SNTG1: variants seen among roughly 807,000 people sequenced by gnomAD.
The protein encoded by SNTG1 is gamma-1-syntrophin.
SNTG1 carries 39 observed loss-of-function variants against 74.7 expected under a neutral mutation model. The ratio of observed to expected loss-of-function variants is 0.52; its 90% CI spans 0.40 to 0.68. The LOEUF (loss-of-function observed/expected upper bound fraction) is 0.68, where lower values mean the gene tolerates loss of function less well. SNTG1 is among the 30% of genes least tolerant of loss of function. The pLI, the probability that SNTG1 is intolerant of heterozygous loss-of-function variation, is 0.00. For missense variants in SNTG1, 685 were observed against 609.5 expected, an observed-to-expected ratio of 1.12 and a Z score of -1.30; for synonymous variants, 254 against 217.1, an observed-to-expected ratio of 1.17 and a Z score of -1.49.
intron 2 of SNTG1, among the ~76,000 whole-genome samples, chr8:50,290,932 A>T (rs1303727825): frequency 6.6e-6 from 1 of 151,888 alleles, no homozygotes; most frequent in Non-Finnish European, 1.5e-5. Context: ...TAATTTTGGT[A>T]TTCTTTATAA....
At chr8:50,572,206 T>C in intron 12 of SNTG1, among the ~76,000 whole-genome samples, 1 of 151,918 alleles carries the variant, frequency 6.6e-6, no homozygotes, top group East Asian at 1.9e-4. Flanking sequence ...GTTATAATAC[T>C]CGTCTCAGAG....
At chr8:50,694,932 C>T (rs1175562718) in intron 15 of SNTG1, among the ~76,000 whole-genome samples, 2 of 149,552 alleles carry the variant, frequency 1.3e-5, no homozygotes, top group Non-Finnish European at 3.0e-5. Context: ...AAGAAATGTA[C>T]TTCAACACAA....
At chr8:50,166,800 C>T (rs1586560214) in intron 1 of SNTG1, among the ~76,000 whole-genome samples, 2 of 148,432 alleles carry the variant, frequency 1.3e-5, no homozygotes, top group East Asian at 4.0e-4. Context: ...ATAAATCATG[C>T]TGCTATAAAG....
At chr8:50,197,164 T>C (rs1057198764) in intron 2 of SNTG1, among the ~76,000 whole-genome samples, 1 of 152,204 alleles carries the variant, frequency 6.6e-6, no homozygotes, top group African/African-American at 2.4e-5. Flanking sequence ...TTTTTCTTTG[T>C]GGTCTTCACT....
chr8:50,549,116 G>A (rs1397411537), intron 11 of SNTG1, among the ~76,000 whole-genome samples: 2 of 152,130 alleles, frequency 1.3e-5, no homozygotes, highest in African/African-American at 4.8e-5. Context: ...TTCAATTCAT[G>A]AAACAACTGG....
At chr8:50,367,308 T>A (rs1020918530) in intron 2 of SNTG1, among the ~76,000 whole-genome samples, 2 of 151,960 alleles carry the variant, frequency 1.3e-5, no homozygotes, top group African/African-American at 2.4e-5. Context: ...TGACATTTCC[T>A]AGTTCACAAT....
intron 11 of SNTG1, among the ~76,000 whole-genome samples, chr8:50,548,515 A>T (rs1358173030): frequency 6.6e-6 from 1 of 152,198 alleles, no homozygotes; most frequent in African/African-American, 2.4e-5. Context: ...GTGGAGATGG[A>T]CTTGTTTGTT....
chr8:50,031,842 G>A (rs1179514171), intron 1 of SNTG1, among the ~76,000 whole-genome samples: 1 of 152,044 alleles, frequency 6.6e-6, no homozygotes, highest in Non-Finnish European at 1.5e-5. Flanking sequence ...ACAATGAATA[G>A]GGAAGTGTTG....
chr8:50,698,333 T>G (rs1189687462), intron 15 of SNTG1, among the ~76,000 whole-genome samples: 1 of 152,174 alleles, frequency 6.6e-6, no homozygotes. Context: ...GCTCACCACC[T>G]TCTCAACTTT....
intron 3 of SNTG1, among the ~76,000 whole-genome samples, chr8:50,395,776 G>T (rs1185302639): frequency 6.6e-6 from 1 of 152,182 alleles, no homozygotes; most frequent in Non-Finnish European, 1.5e-5. Context: ...CTCCCAAAGT[G>T]CTGGGATTAC....
chr8:50,429,086 A>C (rs1196777395), intron 4 of SNTG1, among the ~76,000 whole-genome samples: 1 of 151,926 alleles, frequency 6.6e-6, no homozygotes, highest in African/African-American at 2.4e-5. Context: ...ATTGATCTAC[A>C]TTATAAATCC....
At chr8:50,483,019 A>G (rs757700545) in intron 8 of SNTG1, among the ~76,000 whole-genome samples, 6 of 152,216 alleles carry the variant, frequency 3.9e-5, no homozygotes, top group Non-Finnish European at 8.8e-5. Flanking sequence ...GAAGTAGAAT[A>G]GTAGACTAGA....
At chr8:50,507,251 T>G (rs968558226) in intron 9 of SNTG1, among the ~76,000 whole-genome samples, 1 of 152,110 alleles carries the variant, frequency 6.6e-6, no homozygotes, top group African/African-American at 2.4e-5. Flanking sequence ...TTTGAGGACC[T>G]TTGCATTAAT....
chr8:50,269,911 G>A (rs1456556317), intron 2 of SNTG1, among the ~76,000 whole-genome samples: 2 of 152,102 alleles, frequency 1.3e-5, no homozygotes, highest in African/African-American at 4.8e-5. Flanking sequence ...AAAGTTCATG[G>A]AACACAGGAC....
chr8:50,065,129 G>C (rs1487195923), intron 1 of SNTG1, among the ~76,000 whole-genome samples: 2 of 152,198 alleles, frequency 1.3e-5, no homozygotes, highest in African/African-American at 4.8e-5. Flanking sequence ...GCTTAAAATA[G>C]TTATTCAAAT....
At chr8:50,718,670 AGTCAAAGCAT>A (rs1563778092) in intron 17 of SNTG1, among the ~76,000 whole-genome samples, 1 of 152,206 alleles carries the variant, frequency 6.6e-6, no homozygotes, top group Non-Finnish European at 1.5e-5. Context: ...TCCCACTGTC[AGTCAAAGCAT>A]GTCATGTGGT....
intron 2 of SNTG1, among the ~76,000 whole-genome samples, chr8:50,290,819 C>T (rs979337424): frequency 5.3e-5 from 8 of 151,946 alleles, no homozygotes; most frequent in South Asian, 2.1e-4. Context: ...AGTGCAATGG[C>T]GTGATCTCAG....
At chr8:50,475,254 G>A (rs1287565766) in intron 8 of SNTG1, among the ~76,000 whole-genome samples, 4 of 150,734 alleles carry the variant, frequency 2.7e-5, no homozygotes, top group South Asian at 4.2e-4. Flanking sequence ...ATAAAAAAGA[G>A]CATGCAGTGG....
At chr8:50,226,332 A>G (rs1367702957) in intron 2 of SNTG1, among the ~76,000 whole-genome samples, 2 of 152,170 alleles carry the variant, frequency 1.3e-5, no homozygotes, top group African/African-American at 2.4e-5. Context: ...AAGAAAATCA[A>G]AATATTTGAT....
Sources: allele counts gnomAD v4.1 joint callset (sites outside exome capture counted in the v4.1 genomes callset), GRCh38; gene constraint gnomAD v4.1.1; transcripts MANE v1.5; gene names NCBI Gene and HGNC (gene_info 2026-07-23, HGNC 2026-07-21).